NUP93: variants seen among roughly 807,000 people sequenced by gnomAD.
NUP93 encodes nuclear pore complex protein Nup93.
A neutral mutation model predicts 107.8 loss-of-function variants in NUP93; 55 were observed. The observed-to-expected ratio is 0.51, with a 90% CI of 0.41 to 0.64. The LOEUF (loss-of-function observed/expected upper bound fraction) is 0.64, where lower values mean the gene tolerates loss of function less well. NUP93 is among the 30% of genes least tolerant of loss of function. The probability of loss-of-function intolerance (pLI) is 0.00; values close to 1 mark genes in which losing one functional copy is unlikely to be tolerated. For synonymous variants in NUP93, 390 were observed against 397.5 expected (o/e 0.98, Z 0.22); for missense variants, 937 against 1,044.7 (o/e 0.90, Z 1.42).
chr16:56,796,636 C>G (rs572297601), intron 3 of NUP93, among the ~76,000 whole-genome samples: 21 of 152,344 alleles, frequency 1.4e-4, no homozygotes, highest in South Asian at 8.3e-4. Flanking sequence ...ATTTGAAAAG[C>G]TTTTGCCAAA....
chr16:56,830,912 G>C (rs1490396221), intron 10 of NUP93, among the ~76,000 whole-genome samples: 3 of 152,158 alleles, frequency 2.0e-5, no homozygotes, highest in Non-Finnish European at 4.4e-5. Context: ...TCTGTGTTTG[G>C]GAATTTTTCT....
intron 10 of NUP93, 23 bp downstream of exon 10, chr16:56,830,708 C>G: frequency 6.5e-7 from 1 of 1,528,612 alleles, no homozygotes; most frequent in Admixed American, 1.8e-5. Context: ...AGGTGGCACG[C>G]CCAGGGGCAG....
intron 3 of NUP93, among the ~76,000 whole-genome samples, chr16:56,770,702 A>G (rs1327545784): frequency 6.6e-6 from 1 of 152,140 alleles, no homozygotes; most frequent in Non-Finnish European, 1.5e-5. Flanking sequence ...TTGAAATGAC[A>G]AGGAAAATTG....
chr16:56,785,030 C>G (rs568280582), intron 3 of NUP93, among the ~76,000 whole-genome samples: 1 of 152,266 alleles, frequency 6.6e-6, no homozygotes, highest in East Asian at 1.9e-4. Context: ...TAGATCTCAG[C>G]ATAATTTTTT....
chr16:56,836,722 A>G lies in NUP93; in HGVS notation c.1899+5A>G. ...AAGCTGTATGACCTTGCCAAGGTAA[A>G]GTGTGCCCACTTCCTTCTTTTGCAC... On this transcript the variant is annotated splice_donor_5th_base_variant and intron_variant, in intron 17 of 21. Transcript: ENST00000308159. 6.3e-7 allele frequency: 1 copy of G among 1,583,358 alleles called. No homozygotes were observed. The highest frequency in any genetic ancestry group is 8.7e-7 in the Non-Finnish European group (1 of 1,152,990).
intron 2 of NUP93, among the ~76,000 whole-genome samples, chr16:56,757,034 C>A (rs550096107): frequency 6.6e-6 from 1 of 151,986 alleles, no homozygotes; most frequent in Admixed American, 6.6e-5. Context: ...GGGAAAGTCC[C>A]GGGGATGGCA....
At chr16:56,842,320 G>T (rs1007177873) in intron 21 of NUP93, among the ~76,000 whole-genome samples, 6 of 152,116 alleles carry the variant, frequency 3.9e-5, no homozygotes, top group African/African-American at 1.4e-4. Context: ...GTGGAGTTGG[G>T]AAGCAACTGC....
intron 3 of NUP93, among the ~76,000 whole-genome samples, chr16:56,771,459 T>C (rs1232198843): frequency 6.6e-6 from 1 of 152,232 alleles, no homozygotes; most frequent in Non-Finnish European, 1.5e-5. Context: ...TGCCGTATTA[T>C]TCTTTTCTGC....
intron 1 of NUP93, among the ~76,000 whole-genome samples, chr16:56,740,149 C>T (rs1260081436): frequency 1.6e-4 from 23 of 144,144 alleles, no homozygotes; most frequent in South Asian, 6.8e-4. Flanking sequence ...CCCTCCCGGA[C>T]GGGGTGGCTG....
At chr16:56,805,662 T>A in intron 5 of NUP93, 30 bp downstream of exon 5, 2 of 1,599,726 alleles carry the variant, frequency 1.3e-6, no homozygotes, top group South Asian at 2.2e-5. Context: ...TAAACTACTG[T>A]TAATAAAAAC....
intron 3 of NUP93, among the ~76,000 whole-genome samples, chr16:56,780,892 G>A (rs1242876535): frequency 1.3e-5 from 2 of 152,130 alleles, no homozygotes; most frequent in East Asian, 3.8e-4. Flanking sequence ...CACCTGACCA[G>A]CCTGACTTTA....
intron 1 of NUP93, among the ~76,000 whole-genome samples, chr16:56,738,899 T>C (rs566890805): frequency 6.6e-6 from 1 of 151,630 alleles, no homozygotes; most frequent in East Asian, 1.9e-4. Context: ...GTCTGATTAA[T>C]AAGGTTTGAG....
At chr16:56,787,857 T>G (rs1962663110) in intron 3 of NUP93, among the ~76,000 whole-genome samples, 1 of 152,212 alleles carries the variant, frequency 6.6e-6, no homozygotes, top group Admixed American at 6.5e-5. Context: ...TGTATCTTCC[T>G]TATCTTATCT....
chr16:56,735,083 G>C (rs1314675520), intron 1 of NUP93, among the ~76,000 whole-genome samples: 6 of 152,178 alleles, frequency 3.9e-5, no homozygotes, highest in Admixed American at 3.9e-4. Context: ...GATGATGTCG[G>C]GCAAATAAAT....
intron 8 of NUP93, among the ~76,000 whole-genome samples, chr16:56,828,194 T>TAAAA (rs34184189): frequency 6.2e-5 from 7 of 113,402 alleles, no homozygotes; most frequent in Admixed American, 9.4e-5. Flanking sequence ...CCCTGCCTCT[T>TAAAA]AAAAAAAAAA....
chr16:56,822,369 A>G (rs1305356558), intron 7 of NUP93, among the ~76,000 whole-genome samples: 5 of 151,194 alleles, frequency 3.3e-5, no homozygotes, highest in Non-Finnish European at 7.4e-5. Flanking sequence ...AAAATTAACC[A>G]GGTGTGGTGG....
At chr16:56,799,405 CAT>C (rs1317552228) in intron 4 of NUP93, among the ~76,000 whole-genome samples, 1 of 152,236 alleles carries the variant, frequency 6.6e-6, no homozygotes, top group African/African-American at 2.4e-5. Context: ...TGTTTACTAA[CAT>C]GTGAGTTATC....
chr16:56,731,435 G>A (rs182704086), intron 1 of NUP93, among the ~76,000 whole-genome samples: 10 of 148,158 alleles, frequency 6.7e-5, no homozygotes, highest in African/African-American at 2.3e-4. Flanking sequence ...AGTCTCCCTC[G>A]GTCGCTCAGT....
chr16:56,827,064 AAAAAAT>A (rs1429725526), intron 8 of NUP93, among the ~76,000 whole-genome samples: 1,566 of 145,668 alleles, frequency 0.011, 49 homozygotes, highest in Admixed American at 0.064. Flanking sequence ...AAAAAAAAAA[AAAAAAT>A]TTTGTTGAGT....
Sources: gnomAD v4.1 joint callset for allele counts (sites outside exome capture counted in the v4.1 genomes callset) on GRCh38, gnomAD v4.1.1 for gene constraint, MANE v1.5 for transcripts, NCBI Gene and HGNC (gene_info 2026-07-23, HGNC 2026-07-21) for gene names.